MAN1C1: variants seen among roughly 807,000 people sequenced by gnomAD.
MAN1C1 encodes the protein mannosyl-oligosaccharide 1,2-alpha-mannosidase IC.
Under a neutral mutation model 71.5 loss-of-function variants are expected in MAN1C1, and 49 were observed. That is an observed-to-expected ratio of 0.69 (90% CI 0.54 to 0.87). The LOEUF (loss-of-function observed/expected upper bound fraction) is 0.87. MAN1C1 is among the 40% of genes least tolerant of loss of function. The pLI is 0.00. For missense variants in MAN1C1, 743 were observed against 835.0 expected (o/e 0.89, Z 1.36); for synonymous variants, 352 against 343.7 (o/e 1.02, Z -0.27).
In MAN1C1 at chr1:25,658,459, T is replaced by G. The variant is rs148324849; in HGVS notation, c.541-27981T>G. 6.6e-3 allele frequency among the ~76,000 whole-genome samples: 998 copies of G among 152,164 alleles called. 5 individuals carry two copies. Among genetic ancestry groups the G allele is most frequent in the Middle Eastern group, 0.014 (4 of 294 alleles). ...AGACACATCCAAACTTGCTGCTGCT[T>G]CTTTTTTTTTAAACGCGGTCTGGCT... On this transcript the variant is annotated intron_variant, in intron 1 of 11. Coordinates refer to ENST00000374332, the MANE Select transcript of MAN1C1 (RefSeq NM_020379.4).
intron 1 of MAN1C1, among the ~76,000 whole-genome samples, chr1:25,632,989 T>G (rs947340319): frequency 1.3e-5 from 2 of 149,856 alleles, no homozygotes; most frequent in African/African-American, 4.9e-5. Context: ...TGCCTCAGCC[T>G]CCCGAGTACC....
At chr1:25,729,044 T>C (rs985238431) in intron 2 of MAN1C1, among the ~76,000 whole-genome samples, 6 of 152,228 alleles carry the variant, frequency 3.9e-5, no homozygotes, top group African/African-American at 1.4e-4. Flanking sequence ...TAGCTTCTAA[T>C]GTACATGGTT....
chr1:25,714,924 C>T (rs145865018), intron 2 of MAN1C1, among the ~76,000 whole-genome samples: 111 of 152,216 alleles, frequency 7.3e-4, no homozygotes, highest in African/African-American at 2.5e-3. Context: ...CTCCAGTTTG[C>T]AAGATGCAAA....
chr1:25,699,697 A>C (rs975603366), intron 2 of MAN1C1, among the ~76,000 whole-genome samples: 1 of 152,168 alleles, frequency 6.6e-6, no homozygotes, highest in African/African-American at 2.4e-5. Flanking sequence ...TTGGGCCACT[A>C]CTGGGTGTGT....
At chr1:25,665,666 A>C (rs2045912554) in intron 1 of MAN1C1, among the ~76,000 whole-genome samples, 1 of 152,038 alleles carries the variant, frequency 6.6e-6, no homozygotes, top group Non-Finnish European at 1.5e-5. Flanking sequence ...TGGAGAAAAC[A>C]GGGCATTAGA....
chr1:25,719,172 A>T (rs7552655), intron 2 of MAN1C1, among the ~76,000 whole-genome samples: 5,026 of 149,540 alleles, frequency 0.034, 275 homozygotes, highest in African/African-American at 0.12. Context: ...TCCTGGGTTC[A>T]AGTTATTCTC....
chr1:25,734,035 G>T (rs899281134), intron 2 of MAN1C1, among the ~76,000 whole-genome samples: 5 of 151,962 alleles, frequency 3.3e-5, no homozygotes, highest in Non-Finnish European at 7.4e-5. Context: ...TCCTGACCTC[G>T]TGATCCGCCC....
chr1:25,758,895 G>A (rs1398736416), intron 6 of MAN1C1, 186 bp downstream of exon 6: 4 of 606,294 alleles, frequency 6.6e-6, no homozygotes, highest in Non-Finnish European at 8.9e-6. Context: ...AGGTGGCAGG[G>A]AAGGTGAGCA....
intron 1 of MAN1C1, among the ~76,000 whole-genome samples, chr1:25,623,450 G>A (rs1232110373): frequency 7.3e-6 from 1 of 136,650 alleles, no homozygotes; most frequent in Non-Finnish European, 1.5e-5. Context: ...ATAGTTAGTG[G>A]TGGTGGGGGG....
intron 2 of MAN1C1, among the ~76,000 whole-genome samples, chr1:25,716,767 A>C (rs1157697295): frequency 6.6e-6 from 1 of 152,242 alleles, no homozygotes; most frequent in African/African-American, 2.4e-5. Flanking sequence ...AATGTATTTC[A>C]ACACCACTAA....
chr1:25,783,742 C>A lies in MAN1C1; in HGVS notation c.1846C>A (p.Pro616Thr). The A allele has an allele frequency of 6.2e-7, 1 of 1,613,170 alleles. No homozygotes were observed. Among genetic ancestry groups the A allele is most frequent in the Non-Finnish European group, 8.5e-7 (1 of 1,180,024 alleles). Residue 616 changes from proline to threonine, a missense_variant, in exon 12 of 12, where the codon CCG becomes ACG. Transcript: ENST00000374332. ...GTTCAACACCGAGGCCCACCCACTCCCGGTGAACCACTCAGACAGCTCCGG... is the reference window on the plus strand; with the variant it reads ...GTTCAACACCGAGGCCCACCCACTCACGGTGAACCACTCAGACAGCTCCGG... ...WVFNTEAHPL[P>T]VNHSDSSGRA...
chr1:25,674,024 C>G (rs766992376), intron 1 of MAN1C1, among the ~76,000 whole-genome samples: 1 of 152,212 alleles, frequency 6.6e-6, no homozygotes, highest in Non-Finnish European at 1.5e-5. Context: ...CTTCCTGCCC[C>G]CACCTAACAC....
At chr1:25,670,317 C>G (rs938955138) in intron 1 of MAN1C1, among the ~76,000 whole-genome samples, 29 of 152,262 alleles carry the variant, frequency 1.9e-4, no homozygotes, top group African/African-American at 6.8e-4. Context: ...CTTGCAGGAT[C>G]TCTCTGCCAC....
At chr1:25,686,370 G>A in intron 1 of MAN1C1, 70 bp from the exon 2 acceptor site, 1 of 1,334,494 alleles carries the variant, frequency 7.5e-7, no homozygotes, top group Non-Finnish European at 1.1e-6. Context: ...AAGGGGCAAA[G>A]CCAGGCGGCC....
At chr1:25,627,937 T>C (rs2124751216) in intron 1 of MAN1C1, among the ~76,000 whole-genome samples, 1 of 151,808 alleles carries the variant, frequency 6.6e-6, no homozygotes, top group Admixed American at 6.5e-5. Flanking sequence ...TTCCTGCTAC[T>C]GGAAAAGCTG....
intron 7 of MAN1C1, among the ~76,000 whole-genome samples, chr1:25,768,320 T>C (rs1170567557): frequency 1.4e-4 from 2 of 14,480 alleles, no homozygotes; most frequent in Admixed American, 1.1e-3. Flanking sequence ...TCCCTTCACG[T>C]ACATCCACAC....
chr1:25,732,158 G>A (rs543585502), intron 2 of MAN1C1, among the ~76,000 whole-genome samples: 31 of 152,262 alleles, frequency 2.0e-4, no homozygotes, highest in Non-Finnish European at 3.8e-4. Context: ...GCAGCTCTCT[G>A]CAAGGTAGTG....
intron 5 of MAN1C1, among the ~76,000 whole-genome samples, chr1:25,758,205 G>A (rs1405073081): frequency 3.9e-5 from 6 of 152,176 alleles, no homozygotes; most frequent in East Asian, 3.8e-4. Flanking sequence ...TGAGCCATCC[G>A]GTGCCTTCAG....
In MAN1C1 at chr1:25,618,052, C is replaced by A; in HGVS notation, c.255C>A (p.Ala85=). ...AREQEPPPNP[A]PAAPAPGEDD... is the part of the protein sequence containing the mutation. ...AGCAGGAGCCGCCTCCCAACCCGGC[C>A]CCCGCCGCGCCGGCCCCGGGCGAGG... The change falls in exon 1 of 12, where the codon GCC becomes GCA. Residue 85 remains alanine (A), a synonymous_variant. Transcript: ENST00000374332. The A allele has an allele frequency of 6.4e-7, 1 of 1,564,092 alleles. No individual in the cohort carries two copies. Among genetic ancestry groups the A allele is most frequent in the Non-Finnish European group, 8.6e-7 (1 of 1,159,840 alleles).
Sources: gnomAD v4.1 joint callset for allele counts (sites outside exome capture counted in the v4.1 genomes callset) on GRCh38, gnomAD v4.1.1 for gene constraint, MANE v1.5 for transcripts, NCBI Gene and HGNC (gene_info 2026-07-23, HGNC 2026-07-21) for gene names.